Variants in PCDH15 observed in about 807,000 individuals in gnomAD.
PCDH15 encodes protocadherin related 15.
A neutral mutation model predicts 178.5 loss-of-function variants in PCDH15; 129 were observed. The ratio of observed to expected loss-of-function variants is 0.72; its 90% CI spans 0.63 to 0.84. PCDH15 has a LOEUF of 0.84. PCDH15 is among the 40% of genes least tolerant of loss of function. The pLI is 0.00. For synonymous variants in PCDH15, 800 were observed against 732.0 expected (o/e 1.09, Z -1.50); for missense variants, 2,230 against 2,099.9 (o/e 1.06, Z -1.21).
At chr10:55,501,589 A>C in intron 2 of PCDH15, among the ~76,000 whole-genome samples, 1 of 151,932 alleles carries the variant, frequency 6.6e-6, no homozygotes, top group East Asian at 1.9e-4. Context: ...TTTAGAAAAT[A>C]AAAGTTATTT....
chr10:55,083,276 A>G (rs1242904196), intron 2 of PCDH15, among the ~76,000 whole-genome samples: 3 of 152,034 alleles, frequency 2.0e-5, no homozygotes, highest in African/African-American at 4.8e-5. Context: ...ATGATACCTC[A>G]TATCAACAGA....
At chr10:54,657,237 G>A (rs906219169) in intron 2 of PCDH15, among the ~76,000 whole-genome samples, 5 of 152,142 alleles carry the variant, frequency 3.3e-5, no homozygotes, top group Non-Finnish European at 4.4e-5. Context: ...ATGCAACAGC[G>A]GCATGATAGG....
intron 5 of PCDH15, among the ~76,000 whole-genome samples, chr10:54,360,121 A>G (rs1945761346): frequency 6.6e-6 from 1 of 152,004 alleles, no homozygotes; most frequent in Non-Finnish European, 1.5e-5. Flanking sequence ...TTCCTTTCCC[A>G]GGAAACCAAC....
intron 9 of PCDH15, among the ~76,000 whole-genome samples, chr10:54,219,316 C>T (rs2052496656): frequency 7.0e-6 from 1 of 142,470 alleles, no homozygotes; most frequent in Non-Finnish European, 1.5e-5. Context: ...AGAGGCTGGG[C>T]GTGGTGGCTC....
chr10:54,570,737 C>T (rs774751587), intron 2 of PCDH15, among the ~76,000 whole-genome samples: 40 of 152,014 alleles, frequency 2.6e-4, no homozygotes, highest in African/African-American at 9.2e-4. Context: ...ACTGCAACCT[C>T]GGCCTCCAGG....
intron 2 of PCDH15, among the ~76,000 whole-genome samples, chr10:55,622,155 A>ATATATATAT (rs111463922): frequency 1.4e-5 from 1 of 73,348 alleles, no homozygotes; most frequent in Non-Finnish European, 2.9e-5. Flanking sequence ...ATATCTATAA[A>ATATATATAT]TATATATATT....
intron 5 of PCDH15, among the ~76,000 whole-genome samples, chr10:54,368,097 T>G (rs1443587489): frequency 6.6e-6 from 1 of 151,950 alleles, no homozygotes; most frequent in Non-Finnish European, 1.5e-5. Context: ...CTTGTTAAAT[T>G]TAAATAGGAG....
chr10:54,420,336 C>A (rs1162928465), intron 3 of PCDH15, among the ~76,000 whole-genome samples: 1 of 152,006 alleles, frequency 6.6e-6, no homozygotes, highest in African/African-American at 2.4e-5. Context: ...TAAGCTGAAA[C>A]CTCCAGCAGA....
At chr10:54,007,478 C>A (rs1164448736) in intron 20 of PCDH15, among the ~76,000 whole-genome samples, 1 of 151,852 alleles carries the variant, frequency 6.6e-6, no homozygotes, top group Non-Finnish European at 1.5e-5. Flanking sequence ...AAGTAAAATA[C>A]ACAAGTAAAT....
At chr10:54,703,261 C>T (rs774676652) in intron 1 of PCDH15, among the ~76,000 whole-genome samples, 68 of 151,912 alleles carry the variant, frequency 4.5e-4, no homozygotes, top group East Asian at 2.1e-3. Context: ...ACAAACCCAC[C>T]GGAAATATCA....
intron 1 of PCDH15, among the ~76,000 whole-genome samples, chr10:55,308,623 C>A (rs1280347301): frequency 6.6e-6 from 1 of 151,654 alleles, no homozygotes; most frequent in African/African-American, 2.4e-5. Context: ...ACTAGAACTT[C>A]AAATATACTT....
At chr10:54,600,060 G>T (rs1310082545) in intron 2 of PCDH15, 4 of 1,211,418 alleles carry the variant, frequency 3.3e-6, no homozygotes, top group African/African-American at 3.1e-5. Context: ...AGGAAGAAAA[G>T]GAAATCGAGG....
intron 2 of PCDH15, among the ~76,000 whole-genome samples, chr10:54,628,379 T>C (rs1321971167): frequency 1.3e-5 from 2 of 152,226 alleles, no homozygotes; most frequent in Non-Finnish European, 1.5e-5. Flanking sequence ...CTTTCTCTTA[T>C]TCTGGATTTT....
chr10:54,428,385 A>G (rs923523947), intron 3 of PCDH15, among the ~76,000 whole-genome samples: 1 of 152,226 alleles, frequency 6.6e-6, no homozygotes, highest in Non-Finnish European at 1.5e-5. Context: ...TTGAATTTAC[A>G]TTGTTTAGTA....
At chr10:55,136,239 T>C (rs1838195032) in intron 2 of PCDH15, among the ~76,000 whole-genome samples, 1 of 152,138 alleles carries the variant, frequency 6.6e-6, no homozygotes, top group Admixed American at 6.6e-5. Context: ...GCTGAGTAGC[T>C]CTATGACTTT....
At chr10:54,073,075 A>C (rs1231862886) in intron 17 of PCDH15, among the ~76,000 whole-genome samples, 1 of 151,804 alleles carries the variant, frequency 6.6e-6, no homozygotes, top group East Asian at 1.9e-4. Flanking sequence ...AAAAATAAAG[A>C]AGCTTTTTTT....
At chr10:55,349,678 G>T (rs544801869) in intron 2 of PCDH15, among the ~76,000 whole-genome samples, 1 of 151,948 alleles carries the variant, frequency 6.6e-6, no homozygotes, top group Admixed American at 6.6e-5. Context: ...CTGTAAATAC[G>T]CAGGTTCAAA....
At position 54,106,013 on chromosome 10, in the gene PCDH15, CA is replaced by C. The variant is rs201059483; in HGVS notation, c.1918-15951del. On this transcript the variant is annotated intron_variant, in intron 15 of 37. Coordinates refer to ENST00000644397, the MANE Select transcript of PCDH15 (RefSeq NM_001384140.1). ...ATGGGCATTAAAACGTTAAACTAAGCAAAAGTAACCAGATACAATAGATCAC... is the reference window on the plus strand; with the variant it reads ...ATGGGCATTAAAACGTTAAACTAAGCAAAGTAACCAGATACAATAGATCAC... Among the ~76,000 whole-genome samples, 573 of 152,132 alleles carry C rather than the reference CA, an allele frequency of 3.8e-3. 10 individuals are homozygous for C. Among genetic ancestry groups the C allele is most frequent in the African/African-American group, 0.013 (536 of 41,504 alleles).
chr10:54,092,481 G>T (rs1187941029), intron 15 of PCDH15, among the ~76,000 whole-genome samples: 1 of 151,668 alleles, frequency 6.6e-6, no homozygotes. Context: ...AAATAAAATG[G>T]AATCAAAAAA....
Sources: gnomAD v4.1 joint callset for allele counts (sites outside exome capture counted in the v4.1 genomes callset) on GRCh38, gnomAD v4.1.1 for gene constraint, MANE v1.5 for transcripts, NCBI Gene and HGNC (gene_info 2026-07-23, HGNC 2026-07-21) for gene names.